The following KLF8 variants were observed in gnomAD, a reference collection of about 807,000 sequenced individuals.
The protein encoded by KLF8 is Krueppel-like factor 8.
A neutral mutation model predicts 18.2 loss-of-function variants in KLF8; 10 were observed. That is an observed-to-expected ratio of 0.55 (90% CI 0.34 to 0.93). KLF8 has a LOEUF of 0.93. KLF8 is among the 40% of genes least tolerant of loss of function. The pLI is 0.02. For synonymous variants in KLF8, 109 were observed against 97.3 expected, an observed-to-expected ratio of 1.12 and a Z score of -0.71; for missense variants, 264 against 277.9, an observed-to-expected ratio of 0.95 and a Z score of 0.36.
the KLF8 span, among the ~76,000 whole-genome samples, chrX:56,090,385 A>T: frequency 1.8e-5 from 2 of 112,157 alleles, no homozygotes; most frequent in South Asian, 7.4e-4. Context: ...AAAAATTACA[A>T]GCCAAGGTAA....
chrX:56,145,368 T>C, the KLF8 span, among the ~76,000 whole-genome samples: 1 of 111,950 alleles, frequency 8.9e-6, no homozygotes, highest in Non-Finnish European at 1.9e-5. Context: ...AGTAAAATGA[T>C]ACACCTACTG....
chrX:56,179,900 T>C, the KLF8 span, among the ~76,000 whole-genome samples: 1 of 112,020 alleles, frequency 8.9e-6, no homozygotes, highest in South Asian at 3.7e-4. Flanking sequence ...GCCAGTATTT[T>C]ATTGAGGATT....
chrX:56,261,663 A>G (rs986708706), intron 2 of KLF8, among the ~76,000 whole-genome samples: 3 of 111,632 alleles, frequency 2.7e-5, no homozygotes, highest in Non-Finnish European at 3.8e-5. Context: ...TATGCTATCT[A>G]TAAAGATAAG....
chrX:56,114,442 C>T, the KLF8 span, among the ~76,000 whole-genome samples: 1 of 112,784 alleles, frequency 8.9e-6, no homozygotes, highest in African/African-American at 3.2e-5. Context: ...GTTTTTCTTT[C>T]TAAACTTCAG....
the KLF8 span, among the ~76,000 whole-genome samples, chrX:56,028,851 C>T: frequency 1.8e-5 from 2 of 110,909 alleles, no homozygotes; most frequent in Non-Finnish European, 3.8e-5. Context: ...GCAATCCTAA[C>T]AATGTGTAAG....
chrX:56,173,759 T>G, the KLF8 span, among the ~76,000 whole-genome samples: 1 of 111,928 alleles, frequency 8.9e-6, no homozygotes, highest in Admixed American at 9.5e-5. Flanking sequence ...TTTGTTTGTA[T>G]CCTCTTTTAT....
the KLF8 span, among the ~76,000 whole-genome samples, chrX:56,054,463 A>T: frequency 1.8e-5 from 2 of 111,019 alleles, no homozygotes; most frequent in Admixed American, 1.9e-4. Flanking sequence ...GGTTGTTATT[A>T]TTTCTGTTCT....
chrX:56,270,866 C>T lies in KLF8; in HGVS notation c.898+545C>T, dbSNP rs764588985. Among the ~76,000 whole-genome samples the T allele has an allele frequency of 1.4e-4, 16 of 111,166 alleles. No homozygotes were observed. The East Asian group carries it at 3.4e-3, about 24-fold the overall frequency. On this transcript the variant is annotated intron_variant, in intron 5 of 5. Transcript: ENST00000468660. ...AGACCTGGTAGTGATCCTGTCAAAC[C>T]GAACAGCACATACCTGATCTGAAGA...
At chrX:56,093,317 A>G in the KLF8 span, among the ~76,000 whole-genome samples, 1 of 111,649 alleles carries the variant, frequency 9.0e-6, no homozygotes, top group Admixed American at 9.5e-5. Context: ...GAAACACCTT[A>G]CCTACTTACC....
chrX:55,991,217 C>T, the KLF8 span, among the ~76,000 whole-genome samples: 5 of 112,055 alleles, frequency 4.5e-5, no homozygotes, highest in Non-Finnish European at 9.4e-5. Flanking sequence ...AGGCGCCCTT[C>T]CCCAGCCTCT....
intron 2 of KLF8, among the ~76,000 whole-genome samples, chrX:56,254,946 G>A (rs2066769281): frequency 8.9e-6 from 1 of 111,745 alleles, no homozygotes; most frequent in South Asian, 3.7e-4. Flanking sequence ...CAGGCTTCAG[G>A]GTGGGGCCCT....
At chrX:56,148,457 G>C in the KLF8 span, among the ~76,000 whole-genome samples, 1 of 110,321 alleles carries the variant, frequency 9.1e-6, no homozygotes, top group South Asian at 3.9e-4. Context: ...AAAAAATAGA[G>C]AAATACACCA....
At chrX:55,929,617 A>T in the KLF8 span, among the ~76,000 whole-genome samples, 2 of 111,897 alleles carry the variant, frequency 1.8e-5, no homozygotes, top group African/African-American at 6.5e-5. Context: ...CCATTTATTA[A>T]ACAGGGAATC....
intron 2 of KLF8, among the ~76,000 whole-genome samples, chrX:56,259,127 C>T (rs745880285): frequency 1.3e-4 from 15 of 111,162 alleles, no homozygotes; most frequent in Non-Finnish European, 1.9e-4. Context: ...TAAATTTTAT[C>T]ATACATGTCT....
the KLF8 span, among the ~76,000 whole-genome samples, chrX:56,167,151 G>T: frequency 2.9e-4 from 32 of 111,306 alleles, no homozygotes; most frequent in African/African-American, 1.0e-3. Flanking sequence ...TGGGCGGGGG[G>T]ATAGAGTCTT....
chrX:56,008,261 T>C, the KLF8 span, among the ~76,000 whole-genome samples: 59 of 106,630 alleles, frequency 5.5e-4, no homozygotes, highest in Non-Finnish European at 6.0e-4. Context: ...AGAAACAGCT[T>C]TGGTAGGAGG....
the KLF8 span, among the ~76,000 whole-genome samples, chrX:56,058,205 C>T: frequency 1.4e-4 from 11 of 79,883 alleles, no homozygotes; most frequent in African/African-American, 6.1e-4. Flanking sequence ...TATATATATA[C>T]ACATATATAT....
chrX:56,183,138 A>G, the KLF8 span, among the ~76,000 whole-genome samples: 1 of 111,598 alleles, frequency 9.0e-6, no homozygotes. Flanking sequence ...CTTCTGTGCC[A>G]CTTTCATTAC....
At chrX:56,053,758 C>G in the KLF8 span, among the ~76,000 whole-genome samples, 2 of 109,393 alleles carry the variant, frequency 1.8e-5, no homozygotes, top group Non-Finnish European at 3.8e-5. Context: ...TCCAGGAATT[C>G]ATCTATCTTT....
Sources: allele counts gnomAD v4.1 joint callset (sites outside exome capture counted in the v4.1 genomes callset), GRCh38; gene constraint gnomAD v4.1.1; transcripts MANE v1.5; gene names NCBI Gene and HGNC (gene_info 2026-07-23, HGNC 2026-07-21).